The following TGFA variants were observed in gnomAD, a reference collection of about 807,000 sequenced individuals.
The protein encoded by TGFA is transforming growth factor alpha.
TGFA carries 12 observed loss-of-function variants against 21.7 expected under a neutral mutation model. That is an observed-to-expected ratio of 0.55 (90% CI 0.35 to 0.90). The LOEUF (loss-of-function observed/expected upper bound fraction) is 0.90. TGFA is among the 40% of genes least tolerant of loss of function. TGFA has a pLI of 0.01. For synonymous variants in TGFA, 79 were observed against 88.1 expected (o/e 0.90, Z 0.58); for missense variants, 178 against 210.8 (o/e 0.84, Z 0.96).
intron 2 of TGFA, among the ~76,000 whole-genome samples, chr2:70,504,433 A>T (rs797024330): frequency 1.6e-5 from 1 of 62,442 alleles, no homozygotes; most frequent in East Asian, 5.1e-4. Context: ...AAACAAAACA[A>T]ATATATATAT....
At chr2:70,522,599 A>C (rs1372994058) in intron 1 of TGFA, among the ~76,000 whole-genome samples, 1 of 151,952 alleles carries the variant, frequency 6.6e-6, no homozygotes. Context: ...ACACCCGGCT[A>C]ATTTTTTATA....
intron 2 of TGFA, among the ~76,000 whole-genome samples, chr2:70,508,610 A>T (rs1164011395): frequency 1.3e-5 from 2 of 152,256 alleles, no homozygotes; most frequent in African/African-American, 4.8e-5. Flanking sequence ...AAGTAAAGTG[A>T]TGCAGAATGC....
chr2:70,552,661 C>G (rs1673548179), intron 1 of TGFA, among the ~76,000 whole-genome samples: 1 of 152,264 alleles, frequency 6.6e-6, no homozygotes, highest in East Asian at 1.9e-4. Context: ...CAGGCGGGGC[C>G]GCGAACCCCC....
At chr2:70,510,552 A>C (rs1181171681) in intron 2 of TGFA, among the ~76,000 whole-genome samples, 1 of 152,066 alleles carries the variant, frequency 6.6e-6, no homozygotes, top group Non-Finnish European at 1.5e-5. Context: ...GTGACTGGAC[A>C]AAAAAACTCA....
chr2:70,535,039 G>GT (rs3836149), intron 1 of TGFA, among the ~76,000 whole-genome samples: 68,654 of 150,516 alleles, frequency 0.46, 16,102 homozygotes, highest in African/African-American at 0.55. Context: ...CCTCAGTTCA[G>GT]TTTTTTTTTT....
chr2:70,538,059 C>T (rs1394689683), intron 1 of TGFA, among the ~76,000 whole-genome samples: 2 of 152,142 alleles, frequency 1.3e-5, no homozygotes, highest in Admixed American at 1.3e-4. Context: ...AGTCCTTATG[C>T]TATATCTACT....
At chr2:70,457,200 A>G (rs553847264) in intron 3 of TGFA, among the ~76,000 whole-genome samples, 1 of 152,328 alleles carries the variant, frequency 6.6e-6, no homozygotes, top group South Asian at 2.1e-4. Flanking sequence ...AGTCCTGGGC[A>G]TCAAGATTTT....
Position 70,448,349 on chromosome 2 carries a change from T to C in TGFA, c.*2510A>G, listed in dbSNP as rs1669949290. On this transcript the variant is annotated 3_prime_UTR_variant, in exon 6 of 6. Transcript: ENST00000295400. Reference sequence around the variant, plus strand: ...TTTTTTAAATGGGGGCTTTTCATTGTCTCCTGAGCCATTGGAAACAGCGAT... The same window carrying C: ...TTTTTTAAATGGGGGCTTTTCATTGCCTCCTGAGCCATTGGAAACAGCGAT... The C allele has an allele frequency of 6.6e-6, 1 of 152,192 alleles. No individual in the cohort carries two copies. Among genetic ancestry groups the C allele is most frequent in the Non-Finnish European group, 1.5e-5 (1 of 68,036 alleles). 9.4% of individuals were successfully genotyped at this position (152,192 alleles called of 1,614,324 possible). A position where few individuals can be genotyped will look rare whatever the true frequency, so the allele number is the denominator to read the frequency against.
At chr2:70,456,151 G>A (rs1670221178) in intron 4 of TGFA, among the ~76,000 whole-genome samples, 188 bp downstream of exon 4, 1 of 152,236 alleles carries the variant, frequency 6.6e-6, no homozygotes, top group African/African-American at 2.4e-5. Flanking sequence ...GGATGCATGA[G>A]GCTTTCATGC....
chr2:70,462,470 A>T (rs1245518740), intron 3 of TGFA, among the ~76,000 whole-genome samples: 3 of 152,308 alleles, frequency 2.0e-5, no homozygotes, highest in Non-Finnish European at 4.4e-5. Flanking sequence ...ACCAGGGACC[A>T]GTGTCATGTT....
chr2:70,458,519 AC>A (rs1416823690), intron 3 of TGFA, among the ~76,000 whole-genome samples: 1 of 152,074 alleles, frequency 6.6e-6, no homozygotes, highest in Non-Finnish European at 1.5e-5. Flanking sequence ...TTAAATCCAC[AC>A]ACTGCACCTA....
Position 70,499,639 on chromosome 2 carries a change from G to C in TGFA, c.94+15220C>G, listed in dbSNP as rs1014028880. ...CGTTTCTTTATAAAGAAATAGGTGA[G>C]CTACAGAGAGCTAGTATTCACTTAT... On this transcript the variant is annotated intron_variant, in intron 2 of 5. Transcript: ENST00000295400. Among the ~76,000 whole-genome samples, 6 of 152,188 alleles carry C rather than the reference G, an allele frequency of 3.9e-5. 1 individual carries two copies. The South Asian group carries it at 1.2e-3, about 32-fold the overall frequency.
intron 2 of TGFA, among the ~76,000 whole-genome samples, chr2:70,492,827 A>G (rs1235566379): frequency 2.0e-5 from 3 of 152,216 alleles, no homozygotes; most frequent in African/African-American, 4.8e-5. Flanking sequence ...TGTGCTTCAA[A>G]TGTGCTCTGA....
chr2:70,527,331 C>T (rs782587708), intron 1 of TGFA, among the ~76,000 whole-genome samples: 7 of 152,166 alleles, frequency 4.6e-5, no homozygotes, highest in Middle Eastern at 3.2e-3. Context: ...GCATGAAAGA[C>T]GCCAGTCTGA....
chr2:70,528,720 C>A (rs1361608849), intron 1 of TGFA, among the ~76,000 whole-genome samples: 1 of 152,160 alleles, frequency 6.6e-6, no homozygotes, highest in Non-Finnish European at 1.5e-5. Context: ...GTTATCAATA[C>A]AATTTTTAAA....
intron 1 of TGFA, among the ~76,000 whole-genome samples, chr2:70,526,153 G>C (rs898638391): frequency 1.3e-5 from 2 of 152,150 alleles, no homozygotes; most frequent in Non-Finnish European, 2.9e-5. Flanking sequence ...CATTTACCTG[G>C]AATGCTTTTT....
chr2:70,527,894 C>T (rs1672687747), intron 1 of TGFA, among the ~76,000 whole-genome samples: 2 of 152,248 alleles, frequency 1.3e-5, no homozygotes, highest in African/African-American at 4.8e-5. Flanking sequence ...AGTACAACGT[C>T]CTTCTCCTAA....
rs550008373 is a variant in TGFA at position 70,545,260 on chromosome 2, C to T, written c.40+8468G>A. 2.5e-3 allele frequency among the ~76,000 whole-genome samples: 380 copies of T among 150,948 alleles called. 3 individuals are homozygous for T. The highest frequency in any genetic ancestry group is 2.7e-3 in the Non-Finnish European group (182 of 67,806). Reference sequence around the variant, plus strand: ...AAGACAAAGAAGACGAAGATGAAGACGAAGAAAAAGAAGAAGAAGAAGAAG... The same window carrying T: ...AAGACAAAGAAGACGAAGATGAAGATGAAGAAAAAGAAGAAGAAGAAGAAG... On this transcript the variant is annotated intron_variant, in intron 1 of 5. Coordinates refer to ENST00000295400, the MANE Select transcript of TGFA (RefSeq NM_003236.4).
At chr2:70,456,527 A>G in intron 3 of TGFA, 39 bp from the exon 4 acceptor site, 1 of 1,567,464 alleles carries the variant, frequency 6.4e-7, no homozygotes, top group Non-Finnish European at 8.7e-7. Flanking sequence ...CTCCTGACAA[A>G]AGGTCTTGTT....
Sources: gnomAD v4.1 joint callset for allele counts (sites outside exome capture counted in the v4.1 genomes callset) on GRCh38, gnomAD v4.1.1 for gene constraint, MANE v1.5 for transcripts, NCBI Gene and HGNC (gene_info 2026-07-23, HGNC 2026-07-21) for gene names.